The following NTRK3 variants were observed in gnomAD, a reference collection of about 807,000 sequenced individuals.
NTRK3 encodes NT-3 growth factor receptor.
NTRK3 carries 24 observed loss-of-function variants against 91.7 expected under a neutral mutation model. That is an observed-to-expected ratio of 0.26 (90% CI 0.19 to 0.37). The LOEUF (loss-of-function observed/expected upper bound fraction) is 0.37, where lower values mean the gene tolerates loss of function less well. NTRK3 is among the 10% of genes least tolerant of loss of function. The pLI is 1.00. For missense variants in NTRK3, 880 were observed against 1,068.9 expected (o/e 0.82, Z 2.46); for synonymous variants, 483 against 404.0 (o/e 1.20, Z -2.34).
intron 17 of NTRK3, among the ~76,000 whole-genome samples, chr15:87,914,141 A>G (rs536014458): frequency 1.5e-3 from 236 of 152,330 alleles, no homozygotes; most frequent in Non-Finnish European, 2.6e-3. Context: ...CTCTTTAAGC[A>G]ACTTTCACAT....
At chr15:88,149,934 G>A (rs916541856) in intron 5 of NTRK3, among the ~76,000 whole-genome samples, 3 of 152,144 alleles carry the variant, frequency 2.0e-5, no homozygotes, top group Non-Finnish European at 2.9e-5. Flanking sequence ...ACAGCATCAC[G>A]GCAGCAAAAG....
chr15:88,157,400 G>A (rs2044012873), intron 5 of NTRK3, among the ~76,000 whole-genome samples: 1 of 151,990 alleles, frequency 6.6e-6, no homozygotes, highest in South Asian at 2.1e-4. Flanking sequence ...AAGGACATTT[G>A]GGTTTCTGCC....
intron 10 of NTRK3, among the ~76,000 whole-genome samples, chr15:88,131,344 C>T (rs540377278): frequency 6.6e-6 from 1 of 152,202 alleles, no homozygotes; most frequent in South Asian, 2.1e-4. Context: ...TCTCTAACTA[C>T]TTGTGGGGAA....
chr15:87,880,126 A>G, intron 18 of NTRK3, 144 bp downstream of exon 19: 1 of 980,438 alleles, frequency 1.0e-6, no homozygotes, highest in South Asian at 1.4e-5. Flanking sequence ...CCTACTAAGA[A>G]GCTCTCTGCT....
At chr15:88,133,606 A>T (rs993294903) in intron 10 of NTRK3, among the ~76,000 whole-genome samples, 1 of 152,224 alleles carries the variant, frequency 6.6e-6, no homozygotes, top group Non-Finnish European at 1.5e-5. Flanking sequence ...GCAACGTTTC[A>T]GTCTTTTATG....
At chr15:87,874,079 A>T in exon 19 of NTRK3, 2 of 229,628 alleles carry the variant, frequency 8.7e-6, no homozygotes, top group East Asian at 1.2e-4. Flanking sequence ...CAGTGTACTA[A>T]GCCTTATCAG....
intron 14 of NTRK3, among the ~76,000 whole-genome samples, chr15:88,003,293 C>A (rs12903276): frequency 2.0e-5 from 3 of 152,162 alleles, no homozygotes; most frequent in Non-Finnish European, 4.4e-5. Context: ...ACCTGTAGAC[C>A]TGCTGACCAA....
At position 88,233,164 on chromosome 15, in the gene NTRK3, C is replaced by G. The variant is rs1191663416; in HGVS notation, c.248+22742G>C. Among the ~76,000 whole-genome samples the G allele has an allele frequency of 6.6e-6, 1 of 152,204 alleles. No individual in the cohort carries two copies. Among genetic ancestry groups the G allele is most frequent in the African/African-American group, 2.4e-5 (1 of 41,436 alleles). ...CGGAGCCACCCCAGGCTATTTTCCT[C>G]TGGAGCTAAAGCCTGAATAAGCAAA... On this transcript the variant is annotated intron_variant, in intron 3 of 18. Coordinates refer to ENST00000394480, the Ensembl canonical transcript of NTRK3. The surrounding 1 kb of genome is among the most constrained non-coding windows in gnomAD (Gnocchi z 4.2).
At chr15:88,019,251 C>T (rs2077443201) in intron 14 of NTRK3, among the ~76,000 whole-genome samples, 1 of 152,222 alleles carries the variant, frequency 6.6e-6, no homozygotes, top group Non-Finnish European at 1.5e-5. Context: ...CAAGAGGCAC[C>T]TGCTTACTCC....
intron 14 of NTRK3, among the ~76,000 whole-genome samples, chr15:87,954,042 GTGTGTGTGTGTGTGTGTA>G: frequency 6.9e-6 from 1 of 145,554 alleles, no homozygotes; most frequent in African/African-American, 2.8e-5. Flanking sequence ...GTGTGTGTGT[GTGTGTGTGTGTGTGTGTA>G]TGCTTTTTTT....
rs541386898 is a variant in NTRK3, at chr15:88,079,286, C to T, written c.1397-46241G>A. ...GATCAGCGTTTTGACAAGAGCTAGG[C>T]CAGCAGCTAGCACAGAGCAGGTCCT... On this transcript the variant is annotated intron_variant, in intron 13 of 18. Transcript: ENST00000394480. 4.6e-5 allele frequency among the ~76,000 whole-genome samples: 7 copies of T among 152,286 alleles called. No homozygotes were observed. In the South Asian group the frequency reaches 1.0e-3, roughly 23 times the overall value.
At chr15:88,013,243 C>T (rs1397309333) in intron 14 of NTRK3, among the ~76,000 whole-genome samples, 1 of 152,212 alleles carries the variant, frequency 6.6e-6, no homozygotes, top group African/African-American at 2.4e-5. Flanking sequence ...AAACCGTGCA[C>T]TGGTAAAGAC....
chr15:87,913,172 G>A lies in NTRK3; in HGVS notation c.2133+16019C>T, dbSNP rs77258068. On this transcript the variant is annotated intron_variant, in intron 17 of 18. Coordinates refer to ENST00000394480, the Ensembl canonical transcript of NTRK3. Reference sequence around the variant, plus strand: ...AAATCCAACTATTTAGTTGAAATGTGAGGGAAAGGCCAGTAGAAGAGAATT... The same window carrying A: ...AAATCCAACTATTTAGTTGAAATGTAAGGGAAAGGCCAGTAGAAGAGAATT... Among the ~76,000 whole-genome samples, 1,171 of 151,916 alleles carry A rather than the reference G, an allele frequency of 7.7e-3. 17 individuals are homozygous for A. Among genetic ancestry groups the A allele is most frequent in the African/African-American group, 0.027 (1,107 of 41,450 alleles).
At chr15:88,015,901 G>T (rs1171484775) in intron 14 of NTRK3, among the ~76,000 whole-genome samples, 2 of 151,842 alleles carry the variant, frequency 1.3e-5, no homozygotes, top group Non-Finnish European at 2.9e-5. Context: ...TGTGAATATA[G>T]CCTGGCCACG....
Position 88,178,214 on chromosome 15 carries a change from T to C in NTRK3, c.395+5204A>G, listed in dbSNP as rs1212387781. Among the ~76,000 whole-genome samples the C allele has an allele frequency of 2.6e-5, 4 of 152,340 alleles. No homozygotes were observed. In the East Asian group the frequency reaches 7.7e-4, roughly 29 times the overall value. ...GGAAGGCAGAAAAGCAAAAATTTAC[T>C]GAGATACTGTCTACATGTCATCTTG... On this transcript the variant is annotated intron_variant, in intron 5 of 18. Transcript: ENST00000394480.
At chr15:87,875,452 G>A (rs1041517380) in exon 19 of NTRK3, 4 of 232,256 alleles carry the variant, frequency 1.7e-5, no homozygotes, top group African/African-American at 6.6e-5. Context: ...CCCCAGCACA[G>A]ATGTTTCCTT....
At chr15:88,246,120 A>G (rs546558084) in intron 3 of NTRK3, among the ~76,000 whole-genome samples, 1 of 152,356 alleles carries the variant, frequency 6.6e-6, no homozygotes, top group South Asian at 2.1e-4. Context: ...CTGTCTCTAA[A>G]GCTGATAACC....
chr15:87,925,774 G>T (rs992291606), intron 17 of NTRK3: 3 of 176,520 alleles, frequency 1.7e-5, no homozygotes, highest in Non-Finnish European at 2.4e-5. Context: ...TTCCTGAGGT[G>T]GTCAATGTAA....
chr15:87,943,073 G>A (rs1178004461), intron 14 of NTRK3, among the ~76,000 whole-genome samples: 1 of 151,846 alleles, frequency 6.6e-6, no homozygotes, highest in Non-Finnish European at 1.5e-5. Flanking sequence ...TCACCTAGAC[G>A]GCTTGTTACA....
Sources: allele counts gnomAD v4.1 joint callset (sites outside exome capture counted in the v4.1 genomes callset), GRCh38; gene constraint gnomAD v4.1.1; non-coding constraint Gnocchi (gnomAD v3.1); transcripts MANE v1.5; gene names NCBI Gene and HGNC (gene_info 2026-07-23, HGNC 2026-07-21).